The following PRMT3 variants were observed in gnomAD, a reference collection of about 807,000 sequenced individuals.
PRMT3 encodes the protein protein arginine N-methyltransferase 3.
In PRMT3, 62 loss-of-function variants were observed where a neutral mutation model predicts 71.9. The ratio of observed to expected loss-of-function variants is 0.86; its 90% CI spans 0.70 to 1.07. PRMT3 has a LOEUF of 1.07. Among genes scored for constraint, PRMT3 ranks in the 50% least tolerant of loss-of-function variants. PRMT3 has a pLI of 0.00. For missense variants in PRMT3, 663 were observed against 643.0 expected, an observed-to-expected ratio of 1.03 and a Z score of -0.34; for synonymous variants, 213 against 220.4, an observed-to-expected ratio of 0.97 and a Z score of 0.30.
intron 9 of PRMT3, among the ~76,000 whole-genome samples, chr11:20,417,630 A>T (rs1200270649): frequency 6.6e-6 from 1 of 152,208 alleles, no homozygotes; most frequent in Non-Finnish European, 1.5e-5. Flanking sequence ...ACTCTTCATT[A>T]TCTTTAAGTA....
intron 10 of PRMT3, among the ~76,000 whole-genome samples, chr11:20,430,986 T>C (rs1215645055): frequency 6.6e-6 from 1 of 152,190 alleles, no homozygotes. Flanking sequence ...TATTTCTGCC[T>C]ACTTAATAAA....
intron 15 of PRMT3, among the ~76,000 whole-genome samples, chr11:20,502,092 A>G (rs1480626440): frequency 6.6e-6 from 1 of 152,228 alleles, no homozygotes; most frequent in Admixed American, 6.5e-5. Context: ...TTGTTCTTGA[A>G]CTACGGCACT....
At chr11:20,450,158 G>A (rs1057321641) in intron 10 of PRMT3, among the ~76,000 whole-genome samples, 13 of 151,982 alleles carry the variant, frequency 8.6e-5, no homozygotes, top group Non-Finnish European at 1.9e-4. Flanking sequence ...TGTCCAAAAA[G>A]GATTGGAATG....
chr11:20,438,828 G>A (rs1849820223), intron 10 of PRMT3, among the ~76,000 whole-genome samples: 1 of 152,186 alleles, frequency 6.6e-6, no homozygotes, highest in Admixed American at 6.5e-5. Context: ...AACCCTGATG[G>A]CAGAGGGGTG....
intron 9 of PRMT3, among the ~76,000 whole-genome samples, chr11:20,423,856 A>G (rs1313848270): frequency 2.2e-5 from 3 of 137,582 alleles, no homozygotes; most frequent in Non-Finnish European, 3.1e-5. Context: ...CCTGAGTGAC[A>G]GAGTGAGATT....
intron 10 of PRMT3, among the ~76,000 whole-genome samples, chr11:20,432,259 T>C (rs572670558): frequency 1.3e-5 from 2 of 152,278 alleles, no homozygotes; most frequent in East Asian, 3.9e-4. Flanking sequence ...TTGTTAATTT[T>C]TATTTTAAAC....
At chr11:20,440,570 A>G (rs1849870867) in intron 10 of PRMT3, among the ~76,000 whole-genome samples, 1 of 151,958 alleles carries the variant, frequency 6.6e-6, no homozygotes, top group South Asian at 2.1e-4. Context: ...AAAAAGACAC[A>G]TTTAAGAGCA....
At chr11:20,388,547 A>G (rs1313021535) in intron 2 of PRMT3, among the ~76,000 whole-genome samples, 1 of 152,234 alleles carries the variant, frequency 6.6e-6, no homozygotes, top group Non-Finnish European at 1.5e-5. Context: ...GTTACTACTA[A>G]CGAGTAACAT....
intron 9 of PRMT3, among the ~76,000 whole-genome samples, chr11:20,422,938 C>A (rs1280476354): frequency 6.6e-6 from 1 of 152,190 alleles, no homozygotes; most frequent in Non-Finnish European, 1.5e-5. Context: ...AACCCATCCA[C>A]CCCATTTGAA....
chr11:20,411,702 A>G (rs887650421), intron 9 of PRMT3, among the ~76,000 whole-genome samples: 7 of 152,290 alleles, frequency 4.6e-5, no homozygotes, highest in Admixed American at 2.6e-4. Context: ...ATATTCAGTT[A>G]AAGTACCAAT....
At chr11:20,413,589 CTGTT>C (rs1849240033) in intron 9 of PRMT3, among the ~76,000 whole-genome samples, 2 of 152,270 alleles carry the variant, frequency 1.3e-5, no homozygotes, top group East Asian at 1.9e-4. Context: ...TAGTGGTCAT[CTGTT>C]TGGCTTGGCA....
chr11:20,465,475 G>A (rs1317704658), intron 13 of PRMT3, among the ~76,000 whole-genome samples: 3 of 151,904 alleles, frequency 2.0e-5, no homozygotes, highest in South Asian at 2.1e-4. Context: ...TTAACATTGA[G>A]TCTTCTGCCT....
intron 13 of PRMT3, among the ~76,000 whole-genome samples, chr11:20,466,387 G>A (rs749122461): frequency 4.6e-5 from 7 of 152,058 alleles, no homozygotes; most frequent in Non-Finnish European, 7.4e-5. Context: ...AGCCCACTCC[G>A]TGTTAGCCAC....
intron 15 of PRMT3, among the ~76,000 whole-genome samples, chr11:20,496,624 G>T (rs1021214854): frequency 1.8e-5 from 2 of 112,234 alleles, no homozygotes; most frequent in East Asian, 3.2e-4. Flanking sequence ...CAACTGGGGT[G>T]GGGGGTGGGG....
intron 8 of PRMT3, 34 bp downstream of exon 8, chr11:20,403,018 A>T (rs1462182550): frequency 6.8e-7 from 1 of 1,478,526 alleles, no homozygotes; most frequent in Admixed American, 1.7e-5. Context: ...TATACATTTC[A>T]TCTTGTTCTT....
intron 7 of PRMT3, among the ~76,000 whole-genome samples, chr11:20,401,861 A>G (rs1848955765): frequency 6.6e-6 from 1 of 152,146 alleles, no homozygotes; most frequent in African/African-American, 2.4e-5. Context: ...GAGCCTTATA[A>G]TGTGGGCTGC....
At chr11:20,478,056 A>G (rs1850839374) in intron 13 of PRMT3, among the ~76,000 whole-genome samples, 1 of 152,198 alleles carries the variant, frequency 6.6e-6, no homozygotes, top group African/African-American at 2.4e-5. Context: ...AAACGCCCTC[A>G]GGTATGAAAG....
chr11:20,422,171 T>G (rs1335039060), intron 9 of PRMT3, among the ~76,000 whole-genome samples: 1 of 152,226 alleles, frequency 6.6e-6, no homozygotes, highest in Admixed American at 6.5e-5. Context: ...GTATGTAAAG[T>G]AAGTGATGTG....
intron 6 of PRMT3, among the ~76,000 whole-genome samples, chr11:20,396,732 T>A (rs1032147555): frequency 6.6e-6 from 1 of 152,166 alleles, no homozygotes; most frequent in African/African-American, 2.4e-5. Flanking sequence ...AGTGAATAAA[T>A]TAGCATTCTA....
Sources: gnomAD v4.1 joint callset for allele counts (sites outside exome capture counted in the v4.1 genomes callset) on GRCh38, gnomAD v4.1.1 for gene constraint, MANE v1.5 for transcripts, NCBI Gene and HGNC (gene_info 2026-07-23, HGNC 2026-07-21) for gene names.